The following MSRA variants were observed in gnomAD, a reference collection of about 807,000 sequenced individuals.
The protein encoded by MSRA is methionine sulfoxide reductase A.
In MSRA, 54 loss-of-function variants were observed where a neutral mutation model predicts 31.3. That is an observed-to-expected ratio of 1.73 (90% CI 1.39 to 2.17). The LOEUF (loss-of-function observed/expected upper bound fraction) is 2.17, where lower values mean the gene tolerates loss of function less well. Among genes scored for constraint, MSRA ranks in the 30% most tolerant of loss-of-function variants. The pLI is 0.00. For synonymous variants in MSRA, 169 were observed against 116.5 expected (o/e 1.45, Z -2.90); for missense variants, 507 against 300.9 (o/e 1.69, Z -5.07).
At chr8:10,095,883 A>C (rs376816607) in intron 1 of MSRA, 1 of 1,281,576 alleles carries the variant, frequency 7.8e-7, no homozygotes, top group Non-Finnish European at 9.9e-7. Context: ...GATTTTTTGC[A>C]TGTATGATTA....
chr8:10,405,549 T>C (rs1807753065), intron 5 of MSRA, among the ~76,000 whole-genome samples: 1 of 152,228 alleles, frequency 6.6e-6, no homozygotes, highest in Non-Finnish European at 1.5e-5. Flanking sequence ...GCTGTCACTT[T>C]CCTTTCTCTG....
chr8:10,344,991 C>T (rs949072639), intron 5 of MSRA, among the ~76,000 whole-genome samples: 14 of 152,232 alleles, frequency 9.2e-5, no homozygotes, highest in East Asian at 3.9e-4. Flanking sequence ...TTCGGTTTGG[C>T]GGGTCACCTG....
chr8:10,106,079 A>T (rs1325976835), intron 1 of MSRA, among the ~76,000 whole-genome samples: 2 of 152,334 alleles, frequency 1.3e-5, no homozygotes, highest in East Asian at 3.9e-4. Context: ...AACATTTGGC[A>T]CCACTGCGTG....
intron 5 of MSRA, among the ~76,000 whole-genome samples, chr8:10,331,585 G>T (rs764439433): frequency 3.9e-5 from 6 of 152,126 alleles, no homozygotes; most frequent in Non-Finnish European, 7.3e-5. Flanking sequence ...ATTTGACACT[G>T]AATTCCATAA....
intron 1 of MSRA, among the ~76,000 whole-genome samples, chr8:10,072,536 C>T (rs899039093): frequency 2.6e-5 from 4 of 152,156 alleles, no homozygotes; most frequent in African/African-American, 9.7e-5. Context: ...ATATTAGAGT[C>T]ATCCCTCCCA....
At chr8:10,344,884 A>G (rs1803672330) in intron 5 of MSRA, among the ~76,000 whole-genome samples, 1 of 152,090 alleles carries the variant, frequency 6.6e-6, no homozygotes, top group Admixed American at 6.5e-5. Flanking sequence ...AACTACCCCA[A>G]TCATGGTGGT....
chr8:10,086,153 G>T (rs1798548920), intron 1 of MSRA, among the ~76,000 whole-genome samples: 1 of 152,166 alleles, frequency 6.6e-6, no homozygotes, highest in Non-Finnish European at 1.5e-5. Flanking sequence ...ATTCCCAGCA[G>T]CAATGTATGA....
At chr8:10,147,799 G>T (rs980488519) in intron 1 of MSRA, among the ~76,000 whole-genome samples, 5 of 152,218 alleles carry the variant, frequency 3.3e-5, no homozygotes, top group Non-Finnish European at 7.3e-5. Context: ...CGTCCCAGGG[G>T]CTCGGAGACA....
chr8:10,266,008 G>T (rs1298169451), intron 3 of MSRA, among the ~76,000 whole-genome samples: 1 of 152,196 alleles, frequency 6.6e-6, no homozygotes, highest in East Asian at 1.9e-4. Flanking sequence ...TGAACAGTCA[G>T]GTTGTTTTCA....
intron 3 of MSRA, among the ~76,000 whole-genome samples, chr8:10,269,061 A>G (rs1404480607): frequency 2.0e-5 from 3 of 152,224 alleles, no homozygotes; most frequent in African/African-American, 7.2e-5. Flanking sequence ...CCAGGTTTGA[A>G]TGCTTCTCCA....
chr8:10,260,561 G>A (rs1798425790), intron 3 of MSRA, among the ~76,000 whole-genome samples: 1 of 152,180 alleles, frequency 6.6e-6, no homozygotes, highest in Non-Finnish European at 1.5e-5. Flanking sequence ...TGCATAAATT[G>A]GCTACCCAGG....
intron 3 of MSRA, among the ~76,000 whole-genome samples, chr8:10,265,960 A>G (rs1390269103): frequency 1.3e-5 from 2 of 152,150 alleles, no homozygotes; most frequent in African/African-American, 2.4e-5. Context: ...GCTGAATGAT[A>G]TTCTCTTGTA....
chr8:10,395,654 C>T (rs987838179), intron 5 of MSRA, among the ~76,000 whole-genome samples: 2 of 152,214 alleles, frequency 1.3e-5, no homozygotes, highest in South Asian at 2.1e-4. Flanking sequence ...TGTCATCACT[C>T]CTCTGTTTAT....
intron 3 of MSRA, among the ~76,000 whole-genome samples, chr8:10,272,269 C>G (rs1394358561): frequency 6.6e-6 from 1 of 152,158 alleles, no homozygotes; most frequent in African/African-American, 2.4e-5. Flanking sequence ...AGAATTGGCT[C>G]AGGATTGGCT....
At chr8:10,056,210 A>AC (rs920252911) in intron 1 of MSRA, among the ~76,000 whole-genome samples, 42 of 133,458 alleles carry the variant, frequency 3.1e-4, no homozygotes, top group Admixed American at 2.3e-3. Flanking sequence ...AAAAAAAAAA[A>AC]AAAAAAAAAA....
chr8:10,146,003 G>A (rs769377720), intron 1 of MSRA, among the ~76,000 whole-genome samples: 8 of 152,142 alleles, frequency 5.3e-5, no homozygotes, highest in Non-Finnish European at 1.0e-4. Context: ...TAAACAGACC[G>A]TATATTTATG....
At chr8:10,160,036 G>C (rs1023519281) in intron 1 of MSRA, among the ~76,000 whole-genome samples, 2 of 152,196 alleles carry the variant, frequency 1.3e-5, no homozygotes, top group African/African-American at 4.8e-5. Flanking sequence ...ATTCTTAGCA[G>C]GGTGTTGAGA....
rs531762387 is a variant in MSRA, at chr8:10,072,874, T to C, written c.142+18216T>C. Among the ~76,000 whole-genome samples the C allele has an allele frequency of 5.9e-5, 9 of 152,348 alleles. No individual in the cohort carries two copies. The East Asian group carries it at 9.6e-4, about 16-fold the overall frequency. On this transcript the variant is annotated intron_variant, in intron 1 of 5. Coordinates refer to ENST00000317173, the MANE Select transcript of MSRA (RefSeq NM_012331.5). ...TTCTTTGGAGTGATTGTAAATGATA[T>C]GGTATCTTTAATTTTGGTTTCCACC...
At chr8:10,062,331 A>G (rs1359529438) in intron 1 of MSRA, among the ~76,000 whole-genome samples, 1 of 152,252 alleles carries the variant, frequency 6.6e-6, no homozygotes, top group East Asian at 1.9e-4. Flanking sequence ...AGATGCTTTC[A>G]GGATGTCAGT....
Sources: allele counts gnomAD v4.1 joint callset (sites outside exome capture counted in the v4.1 genomes callset), GRCh38; gene constraint gnomAD v4.1.1; transcripts MANE v1.5; gene names NCBI Gene and HGNC (gene_info 2026-07-23, HGNC 2026-07-21).